DNMBP: variants seen among roughly 807,000 people sequenced by gnomAD.
DNMBP encodes dynamin binding protein, also known as dynamin-binding protein.
DNMBP carries 87 observed loss-of-function variants against 150.0 expected under a neutral mutation model. That is an observed-to-expected ratio of 0.58 (90% CI 0.49 to 0.69). The LOEUF (loss-of-function observed/expected upper bound fraction) is 0.69. Ranked by LOEUF, DNMBP falls within the 30% of genes least tolerant of loss-of-function variation. The pLI, the probability that DNMBP is intolerant of heterozygous loss-of-function variation, is 0.00. For missense variants in DNMBP, 1,774 were observed against 1,949.0 expected, an observed-to-expected ratio of 0.91 and a Z score of 1.69; for synonymous variants, 711 against 750.4, an observed-to-expected ratio of 0.95 and a Z score of 0.86.
intron 4 of DNMBP, among the ~76,000 whole-genome samples, chr10:99,926,641 T>TG (rs2040081570): frequency 6.6e-6 from 1 of 152,182 alleles, no homozygotes; most frequent in Non-Finnish European, 1.5e-5. Flanking sequence ...GGTTCCAGTC[T>TG]GGGGGCTCTG....
chr10:99,885,311 C>A (rs544664227), intron 14 of DNMBP, among the ~76,000 whole-genome samples: 1 of 152,242 alleles, frequency 6.6e-6, no homozygotes, highest in South Asian at 2.1e-4. Context: ...GAGATCGAGA[C>A]CACCCTGGCC....
intron 4 of DNMBP, among the ~76,000 whole-genome samples, chr10:99,911,826 T>C (rs1448102885): frequency 6.6e-6 from 1 of 152,272 alleles, no homozygotes; most frequent in African/African-American, 2.4e-5. Flanking sequence ...TGATTCTAAA[T>C]TCATTGTGTT....
intron 11 of DNMBP, chr10:99,889,449 AAT>A (rs1221664683): frequency 6.5e-6 from 1 of 152,862 alleles, no homozygotes; most frequent in East Asian, 1.9e-4. Context: ...TTTGCAAAAA[AAT>A]ACTCTCTCAC....
intron 16 of DNMBP, among the ~76,000 whole-genome samples, chr10:99,878,847 C>G (rs2039314776): frequency 6.6e-6 from 1 of 152,112 alleles, no homozygotes; most frequent in African/African-American, 2.4e-5. Flanking sequence ...AAGATATGGC[C>G]AGCTGTGGGT....
intron 4 of DNMBP, among the ~76,000 whole-genome samples, chr10:99,949,849 C>A (rs1022889601): frequency 3.9e-5 from 6 of 152,170 alleles, no homozygotes; most frequent in Non-Finnish European, 7.3e-5. Context: ...TTTAAAAACA[C>A]TGCACACACA....
At chr10:99,892,579 C>T (rs1425605598) in intron 11 of DNMBP, among the ~76,000 whole-genome samples, 4 of 132,618 alleles carry the variant, frequency 3.0e-5, no homozygotes, top group Non-Finnish European at 6.3e-5. Flanking sequence ...TAAGAGTCAT[C>T]ACCAATCCCT....
intron 4 of DNMBP, among the ~76,000 whole-genome samples, chr10:99,948,061 T>C (rs2040378050): frequency 1.3e-5 from 2 of 152,156 alleles, no homozygotes; most frequent in Admixed American, 1.3e-4. Context: ...GAAATCTCTG[T>C]ACCTTCCTTT....
intron 14 of DNMBP, among the ~76,000 whole-genome samples, chr10:99,884,433 C>G (rs2039425212): frequency 6.6e-6 from 1 of 152,186 alleles, no homozygotes; most frequent in Admixed American, 6.5e-5. Context: ...AAATTTAACA[C>G]ACACCTATTC....
intron 6 of DNMBP, among the ~76,000 whole-genome samples, chr10:99,901,769 T>A (rs1051210018): frequency 6.6e-6 from 1 of 152,060 alleles, no homozygotes; most frequent in Non-Finnish European, 1.5e-5. Context: ...ATTTACTGCT[T>A]CCCTACAACC....
At chr10:99,903,426 G>A (rs1393256464) in intron 6 of DNMBP, among the ~76,000 whole-genome samples, 1 of 151,736 alleles carries the variant, frequency 6.6e-6, no homozygotes, top group Non-Finnish European at 1.5e-5. Flanking sequence ...TTGACCTCCT[G>A]AGCTCAAGCA....
chr10:99,923,892 G>A lies in DNMBP; in HGVS notation c.2261-14746C>T, dbSNP rs555269776. 3.6e-5 allele frequency among the ~76,000 whole-genome samples: 4 copies of A among 111,602 alleles called. No homozygotes were observed. In the South Asian group the frequency reaches 1.3e-3, roughly 37 times the overall value. The allele number at this position is 111,602 out of a possible 152,430, so 73.2% of individuals were successfully genotyped here. On this transcript the variant is annotated intron_variant, in intron 4 of 16. Transcript: ENST00000324109. ...CTTTCGGCTGGGCATAGTGGCTCAC[G>A]TCTGTAATCCCAGCACTTCGGGGGC...
chr10:99,943,635 T>C (rs1477614713), intron 4 of DNMBP, among the ~76,000 whole-genome samples: 1 of 152,136 alleles, frequency 6.6e-6, no homozygotes, highest in African/African-American at 2.4e-5. Flanking sequence ...GCAATCCTCC[T>C]ACCTTGGTCT....
intron 16 of DNMBP, among the ~76,000 whole-genome samples, chr10:99,878,300 G>C (rs2039307291): frequency 6.6e-6 from 1 of 152,224 alleles, no homozygotes; most frequent in African/African-American, 2.4e-5. Flanking sequence ...TCAGGGAGGA[G>C]GAGAAGCCAT....
intron 6 of DNMBP, among the ~76,000 whole-genome samples, chr10:99,907,674 G>A (rs998863565): frequency 6.6e-6 from 1 of 152,152 alleles, no homozygotes; most frequent in South Asian, 2.1e-4. Context: ...GGGATTACAG[G>A]TGTGAGCCAC....
At position 99,930,541 on chromosome 10, in the gene DNMBP, C is replaced by A. The variant is rs568153175; in HGVS notation, c.2261-21395G>T. The A allele has an allele frequency of 1.0e-5, 7 of 703,026 alleles. No homozygotes were observed. In the East Asian group the frequency reaches 1.9e-4, roughly 19 times the overall value. 43.5% of individuals were successfully genotyped at this position (703,026 alleles called of 1,614,324 possible). On this transcript the variant is annotated intron_variant, in intron 4 of 16. Coordinates refer to ENST00000324109, the MANE Select transcript of DNMBP (RefSeq NM_015221.4). ...TCCCCACAGTCCATATAGCTTGGTT[C>A]ACTCTGTTCAAAATCCCAGTATCCA...
intron 4 of DNMBP, among the ~76,000 whole-genome samples, chr10:99,916,166 T>C (rs927557298): frequency 5.3e-5 from 8 of 152,174 alleles, no homozygotes; most frequent in Admixed American, 2.0e-4. Context: ...CAATATAACA[T>C]AAATTACCTA....
In DNMBP at chr10:99,955,966, G is replaced by C; in HGVS notation, c.1508C>G (p.Ala503Gly). 1 of 1,614,176 alleles carries C rather than the reference G, an allele frequency of 6.2e-7. No individual in the cohort carries two copies. Among genetic ancestry groups the C allele is most frequent in the Admixed American group, 1.7e-5 (1 of 60,016 alleles). The stretch of plus-strand genomic sequence containing the variant: ...CGTGTGGTGCTTTTTAGTATAACTT[G>C]CTAGGTTGTGGAGCTGAGGACTTGA... Reference protein sequence around the residue: ...RQSSPQLHNLASYTKKHHTSS... With the variant: ...RQSSPQLHNLGSYTKKHHTSS... Residue 503 changes from alanine (A) to glycine (G), a missense_variant, in exon 4 of 17, where the codon GCA (alanine) becomes GGA (glycine). By Grantham distance (60) the Ala-to-Gly change is moderately conservative. This residue lies in a region of DNMBP where 1,430 missense variants were observed against 1,492.5 expected (regional missense o/e 0.96). Transcript: ENST00000324109.
intron 1 of DNMBP, among the ~76,000 whole-genome samples, chr10:99,994,568 CG>C (rs1303398277): frequency 1.3e-5 from 2 of 152,160 alleles, no homozygotes; most frequent in African/African-American, 4.8e-5. Context: ...ACGCAATTGA[CG>C]TGCCCCTCTA....
chr10:99,956,202 C>T lies in DNMBP; in HGVS notation c.1272G>A (p.Leu424=). The T allele has an allele frequency of 6.2e-7, 1 of 1,613,952 alleles. No individual in the cohort carries two copies. ...CTGTAGAATAATACTGGCTTTTCTG[C>T]AAGTTGGGATGAAAAGGGACCTGAG... is the stretch of plus-strand genomic sequence containing the variant. ...SQPQVPFHPN[L]QKSQYYSTVG... Residue 424 remains leucine, a synonymous_variant, in exon 4 of 17, where the codon TTG becomes TTA. Transcript: ENST00000324109.
Sources: allele counts gnomAD v4.1 joint callset (sites outside exome capture counted in the v4.1 genomes callset), GRCh38; gene constraint gnomAD v4.1.1; regional missense constraint gnomAD v4.1.1; transcripts MANE v1.5; gene names NCBI Gene and HGNC (gene_info 2026-07-23, HGNC 2026-07-21).